NSMCE2: variants seen among roughly 807,000 people sequenced by gnomAD.
The protein encoded by NSMCE2 is NSE2 SUMO ligase component of SMC5/6 complex.
Under a neutral mutation model 23.8 loss-of-function variants are expected in NSMCE2, and 24 were observed. The ratio of observed to expected loss-of-function variants is 1.01; its 90% confidence interval spans 0.73 to 1.42. The LOEUF (loss-of-function observed/expected upper bound fraction) is 1.42. NSMCE2 is among the 40% of genes most tolerant of loss of function. The pLI, the probability that NSMCE2 is intolerant of heterozygous loss-of-function variation, is 0.00. For synonymous variants in NSMCE2, 92 were observed against 94.1 expected (o/e 0.98, Z 0.13); for missense variants, 284 against 296.5 (o/e 0.96, Z 0.31).
At chr8:125,215,488 G>T (rs1198603373) in intron 5 of NSMCE2, among the ~76,000 whole-genome samples, 1 of 151,934 alleles carries the variant, frequency 6.6e-6, no homozygotes, top group Non-Finnish European at 1.5e-5. Flanking sequence ...TGTGAATAAT[G>T]CTGCAATAAA....
At chr8:125,201,127 C>T (rs1237184816) in intron 5 of NSMCE2, among the ~76,000 whole-genome samples, 1 of 152,164 alleles carries the variant, frequency 6.6e-6, no homozygotes, top group East Asian at 1.9e-4. Flanking sequence ...GCTCCTTTAG[C>T]TTGGAGAAGT....
At chr8:125,323,128 G>A (rs1487759062) in intron 5 of NSMCE2, among the ~76,000 whole-genome samples, 1 of 152,194 alleles carries the variant, frequency 6.6e-6, no homozygotes, top group Non-Finnish European at 1.5e-5. Context: ...ACTGTCTACT[G>A]AATGCAAACT....
chr8:125,361,771 C>A (rs1415896794), intron 7 of NSMCE2, among the ~76,000 whole-genome samples: 1 of 152,202 alleles, frequency 6.6e-6, no homozygotes, highest in Non-Finnish European at 1.5e-5. Flanking sequence ...ACTCCCCGTG[C>A]TGCTTAGTGA....
At chr8:125,141,129 G>A (rs554277391) in intron 3 of NSMCE2, among the ~76,000 whole-genome samples, 2 of 152,190 alleles carry the variant, frequency 1.3e-5, no homozygotes, top group African/African-American at 4.8e-5. Flanking sequence ...ATTTCAAACA[G>A]TATTTTGAAT....
intron 5 of NSMCE2, among the ~76,000 whole-genome samples, chr8:125,292,901 G>A (rs932292579): frequency 2.0e-5 from 3 of 152,188 alleles, no homozygotes; most frequent in African/African-American, 7.2e-5. Flanking sequence ...ACATGAACGA[G>A]TTTCAAATGT....
chr8:125,157,461 C>T (rs2130709391), intron 4 of NSMCE2, among the ~76,000 whole-genome samples: 1 of 152,294 alleles, frequency 6.6e-6, no homozygotes, highest in South Asian at 2.1e-4. Flanking sequence ...GGTATTCACT[C>T]TTCAGACACT....
intron 5 of NSMCE2, among the ~76,000 whole-genome samples, chr8:125,247,178 A>C (rs1431673171): frequency 6.6e-6 from 1 of 151,900 alleles, no homozygotes; most frequent in Non-Finnish European, 1.5e-5. Context: ...AATAACAAAA[A>C]AAAAATTAGC....
chr8:125,351,188 T>C (rs560675936), intron 5 of NSMCE2, among the ~76,000 whole-genome samples: 1 of 152,154 alleles, frequency 6.6e-6, no homozygotes, highest in African/African-American at 2.4e-5. Flanking sequence ...GAGTCATAAC[T>C]GACAAGCCAC....
intron 5 of NSMCE2, among the ~76,000 whole-genome samples, chr8:125,255,514 G>A (rs1421909598): frequency 6.6e-6 from 1 of 152,044 alleles, no homozygotes; most frequent in Non-Finnish European, 1.5e-5. Context: ...GAGAATAAAG[G>A]GTGGCGTGTT....
chr8:125,274,001 G>GTTTAGCACCTCT (rs924071581), intron 5 of NSMCE2, among the ~76,000 whole-genome samples: 10 of 152,142 alleles, frequency 6.6e-5, no homozygotes, highest in Non-Finnish European at 1.5e-4. Flanking sequence ...CTTGTGCTGT[G>GTTTAGCACCTCT]TTTAGCACCT....
chr8:125,092,028 G>A (rs1246383632), intron 1 of NSMCE2, 70 bp downstream of exon 1: 1 of 152,216 alleles, frequency 6.6e-6, no homozygotes, highest in Non-Finnish European at 1.5e-5. Flanking sequence ...GACACTCCAC[G>A]GGGACTCCGA....
At chr8:125,207,318 T>TA (rs1054151342) in intron 5 of NSMCE2, among the ~76,000 whole-genome samples, 7 of 151,822 alleles carry the variant, frequency 4.6e-5, no homozygotes, top group Admixed American at 3.9e-4. Flanking sequence ...CTGTGTAGTT[T>TA]AAAAAAAATT....
chr8:125,151,428 A>C, intron 4 of NSMCE2, 151 bp downstream of exon 4: 1 of 452,806 alleles, frequency 2.2e-6, no homozygotes, highest in Non-Finnish European at 4.0e-6. Context: ...GAAGTCTCAT[A>C]AAATTGGAAT....
At chr8:125,283,924 T>G (rs903445399) in intron 5 of NSMCE2, among the ~76,000 whole-genome samples, 1 of 152,058 alleles carries the variant, frequency 6.6e-6, no homozygotes, top group Admixed American at 6.5e-5. Flanking sequence ...GAGGCCAAGG[T>G]GGGCAGATCA....
rs144881075 is a variant in NSMCE2 at position 125,174,984 on chromosome 8, T to A, written c.265-7119T>A. Among the ~76,000 whole-genome samples, 42 of 152,312 alleles carry A rather than the reference T, an allele frequency of 2.8e-4. No individual in the cohort carries two copies. The East Asian group carries it at 6.5e-3, about 24-fold the overall frequency. On this transcript the variant is annotated intron_variant, in intron 4 of 7. Transcript: ENST00000287437. Reference sequence around the variant, plus strand: ...ATCCATGCTGGTCATCATTAGTATGTGTGATTTTTAAATAGGACAGAGGCA... The same window carrying A: ...ATCCATGCTGGTCATCATTAGTATGAGTGATTTTTAAATAGGACAGAGGCA...
chr8:125,225,408 C>A (rs1825048826), intron 5 of NSMCE2, among the ~76,000 whole-genome samples: 1 of 152,188 alleles, frequency 6.6e-6, no homozygotes, highest in Non-Finnish European at 1.5e-5. Context: ...GTCAACACTG[C>A]TAAATAGTTA....
At chr8:125,312,471 A>G (rs928849244) in intron 5 of NSMCE2, among the ~76,000 whole-genome samples, 2 of 152,056 alleles carry the variant, frequency 1.3e-5, no homozygotes, top group African/African-American at 4.8e-5. Context: ...TGAAAATACA[A>G]AAATTAGCCG....
intron 5 of NSMCE2, among the ~76,000 whole-genome samples, chr8:125,333,659 C>T (rs1043531242): frequency 3.3e-5 from 5 of 150,444 alleles, no homozygotes; most frequent in African/African-American, 9.8e-5. Context: ...GGACTACAGG[C>T]GCCCGCCACT....
At chr8:125,239,548 G>T (rs1214588683) in intron 5 of NSMCE2, among the ~76,000 whole-genome samples, 1 of 148,398 alleles carries the variant, frequency 6.7e-6, no homozygotes, top group South Asian at 2.1e-4. Flanking sequence ...GGCAGAGGTT[G>T]CAGTGAACCA....
Sources: allele counts gnomAD v4.1 joint callset (sites outside exome capture counted in the v4.1 genomes callset), GRCh38; gene constraint gnomAD v4.1.1; transcripts MANE v1.5; gene names NCBI Gene and HGNC (gene_info 2026-07-23, HGNC 2026-07-21).